Variants in USP8 observed in about 807,000 individuals in gnomAD.
USP8 encodes the protein ubiquitin specific peptidase 8.
Under a neutral mutation model 130.0 loss-of-function variants are expected in USP8, and 27 were observed. The ratio of observed to expected loss-of-function variants is 0.21; its 90% CI spans 0.15 to 0.29. The LOEUF (loss-of-function observed/expected upper bound fraction) is 0.29, where lower values mean the gene tolerates loss of function less well. Among genes scored for constraint, USP8 ranks in the 10% least tolerant of loss-of-function variants. USP8 has a pLI of 1.00. For synonymous variants in USP8, 392 were observed against 444.1 expected, an observed-to-expected ratio of 0.88 and a Z score of 1.48; for missense variants, 1,029 against 1,312.2, an observed-to-expected ratio of 0.78 and a Z score of 3.33.
intron 7 of USP8, among the ~76,000 whole-genome samples, chr15:50,469,535 T>G (rs1369677850): frequency 6.6e-6 from 1 of 152,178 alleles, no homozygotes; most frequent in East Asian, 1.9e-4. Context: ...ATCCTTCTGA[T>G]CTGTGTACAT....
rs1487795461 is a variant in USP8, at chr15:50,501,648, T to A, written c.*2560T>A. 1 of 152,052 alleles carries A rather than the reference T, an allele frequency of 6.6e-6. No homozygotes were observed. The highest frequency in any genetic ancestry group is 6.6e-5 in the Admixed American group (1 of 15,256). The allele number at this position is 152,052 out of a possible 1,614,324, so 9.4% of individuals were successfully genotyped here. A position where few individuals can be genotyped will look rare whatever the true frequency, so the allele number is the denominator to read the frequency against. On this transcript the variant is annotated 3_prime_UTR_variant, in exon 20 of 20. Coordinates refer to ENST00000307179, the MANE Select transcript of USP8 (RefSeq NM_005154.5). ...TCAATCCCCCATAGGGTACAAAAAA[T>A]AATGTATCTCATTTTCCTTTTTCCA...
At chr15:50,464,284 A>G (rs1014427577) in intron 6 of USP8, among the ~76,000 whole-genome samples, 2 of 152,180 alleles carry the variant, frequency 1.3e-5, no homozygotes, top group African/African-American at 2.4e-5. Context: ...TTGGATATCT[A>G]AGTTTTTCAA....
At chr15:50,439,478 A>T (rs2050179491) in intron 2 of USP8, among the ~76,000 whole-genome samples, 1 of 152,208 alleles carries the variant, frequency 6.6e-6, no homozygotes, top group Non-Finnish European at 1.5e-5. Context: ...TTGTCTTTTC[A>T]TAAAACGATA....
intron 12 of USP8, among the ~76,000 whole-genome samples, chr15:50,488,738 G>C (rs1036400560): frequency 1.3e-5 from 2 of 150,230 alleles, no homozygotes; most frequent in African/African-American, 4.9e-5. Flanking sequence ...CTAATTTTTG[G>C]ATTTTTTTTT....
In USP8 at chr15:50,481,762, ACAAAAAGC is replaced by A; in HGVS notation, c.1508_1515del (p.Ala503GlufsTer5). On this transcript the variant is annotated frameshift_variant, in exon 11 of 20. Transcript: ENST00000307179. LOFTEE classifies it high-confidence loss of function. ...AGAAACTGAGGAAGGAAGAACAAGA[ACAAAAAGC>A]CAAAAAGAAACAAGAAGCTGAAGAA... 1 of 1,579,608 alleles carries A rather than the reference ACAAAAAGC, an allele frequency of 6.3e-7. No homozygotes were observed.
intron 1 of USP8, among the ~76,000 whole-genome samples, chr15:50,429,089 A>T (rs2049842373): frequency 6.6e-6 from 1 of 152,154 alleles, no homozygotes; most frequent in Non-Finnish European, 1.5e-5. Flanking sequence ...TATTTCTGGA[A>T]TTTTTTATTT....
chr15:50,488,752 T>A (rs185064669), intron 12 of USP8, among the ~76,000 whole-genome samples: 6 of 151,138 alleles, frequency 4.0e-5, no homozygotes, highest in Non-Finnish European at 7.4e-5. Context: ...TTTTTTTTTT[T>A]AGTAGAGATG....
intron 7 of USP8, among the ~76,000 whole-genome samples, chr15:50,468,917 CT>C (rs773762502): frequency 6.6e-6 from 1 of 152,150 alleles, no homozygotes; most frequent in Non-Finnish European, 1.5e-5. Flanking sequence ...ATCATCCCCC[CT>C]GAACCCGATA....
At chr15:50,434,613 C>CTTTGT (rs1242744173) in intron 1 of USP8, among the ~76,000 whole-genome samples, 1 of 150,322 alleles carries the variant, frequency 6.7e-6, no homozygotes, top group African/African-American at 2.4e-5. Context: ...ATAAGTTTTG[C>CTTTGT]TTTGTTTTGT....
At chr15:50,454,746 CGCCCA>C (rs1051032704) in intron 4 of USP8, among the ~76,000 whole-genome samples, 1 of 152,036 alleles carries the variant, frequency 6.6e-6, no homozygotes, top group Non-Finnish European at 1.5e-5. Flanking sequence ...TGAGCCACCA[CGCCCA>C]GCCTGGATTG....
At chr15:50,430,507 A>G (rs1021177640) in intron 1 of USP8, among the ~76,000 whole-genome samples, 14 of 152,090 alleles carry the variant, frequency 9.2e-5, no homozygotes, top group Non-Finnish European at 1.6e-4. Context: ...AGGCTCAAGG[A>G]AGGCCTCAGC....
intron 15 of USP8, chr15:50,493,116 C>T: frequency 4.6e-6 from 3 of 652,882 alleles, no homozygotes; most frequent in South Asian, 1.5e-5. Context: ...TTTTTTGCTG[C>T]ATCCTCACAG....
At chr15:50,484,043 T>C (rs1450723584) in intron 11 of USP8, among the ~76,000 whole-genome samples, 1 of 152,170 alleles carries the variant, frequency 6.6e-6, no homozygotes, top group African/African-American at 2.4e-5. Context: ...GAACCAGTGC[T>C]TCACAGTCCA....
intron 13 of USP8, 146 bp downstream of exon 13, chr15:50,490,027 G>T: frequency 1.2e-6 from 1 of 865,538 alleles, no homozygotes; most frequent in Non-Finnish European, 1.7e-6. Flanking sequence ...AACAGGGTGA[G>T]ATTTCTCAAT....
chr15:50,478,071 T>C (rs1468137110), intron 10 of USP8, among the ~76,000 whole-genome samples: 1 of 152,200 alleles, frequency 6.6e-6, no homozygotes, highest in East Asian at 1.9e-4. Context: ...CAATGAAAGA[T>C]TGCATTATCA....
intron 3 of USP8, among the ~76,000 whole-genome samples, chr15:50,443,891 A>G (rs1263964749): frequency 1.3e-5 from 2 of 152,106 alleles, no homozygotes; most frequent in African/African-American, 2.4e-5. Flanking sequence ...AATACTGTTT[A>G]ATATTTTTGG....
chr15:50,498,390 A>T, intron 18 of USP8: 1 of 579,336 alleles, frequency 1.7e-6, no homozygotes, highest in Non-Finnish European at 2.8e-6. Flanking sequence ...TAGGCACATC[A>T]TTAAATATCC....
intron 15 of USP8, chr15:50,493,159 G>C (rs1000094384): frequency 3.5e-6 from 2 of 578,912 alleles, no homozygotes; most frequent in South Asian, 3.0e-5. Context: ...GGACAGACTC[G>C]TCCTGTCGAG....
chr15:50,453,860 C>CTTT (rs71124355), intron 4 of USP8, among the ~76,000 whole-genome samples: 17,762 of 86,874 alleles, frequency 0.2, 3,982 homozygotes, highest in East Asian at 0.46. Context: ...TGGGAATATT[C>CTTT]TTTTTTTTTT....
Sources: gnomAD v4.1 joint callset for allele counts (sites outside exome capture counted in the v4.1 genomes callset) on GRCh38, gnomAD v4.1.1 for gene constraint, MANE v1.5 for transcripts, NCBI Gene and HGNC (gene_info 2026-07-23, HGNC 2026-07-21) for gene names.